Variants in MREG observed in about 807,000 individuals in gnomAD.
MREG encodes melanoregulin, also known as dilute suppressor protein homolog.
MREG carries 31 observed loss-of-function variants against 28.5 expected under a neutral mutation model. The observed-to-expected ratio is 1.09, with a 90% confidence interval of 0.82 to 1.47. The LOEUF (loss-of-function observed/expected upper bound fraction) is 1.47, where lower values mean the gene tolerates loss of function less well. MREG is among the 40% of genes most tolerant of loss of function. The probability of loss-of-function intolerance (pLI) is 0.00; values close to 1 mark genes in which losing one functional copy is unlikely to be tolerated. For synonymous variants in MREG, 106 were observed against 95.2 expected, an observed-to-expected ratio of 1.11 and a Z score of -0.66; for missense variants, 256 against 257.4, an observed-to-expected ratio of 0.99 and a Z score of 0.04.
chr2:215,941,975 T>G (rs535452755), downstream of MREG, among the ~76,000 whole-genome samples: 1 of 152,326 alleles, frequency 6.6e-6, no homozygotes, highest in South Asian at 2.1e-4. Flanking sequence ...GAACTGCCAC[T>G]GAGCTTCTCA....
At position 216,013,456 on chromosome 2, in the gene MREG, C is replaced by G. The variant is rs1264378477; in HGVS notation, c.-129G>C. 1 of 426,060 alleles carries G rather than the reference C, an allele frequency of 2.3e-6. No homozygotes were observed. Among genetic ancestry groups the G allele is most frequent in the Non-Finnish European group, 3.5e-6 (1 of 286,702 alleles). The allele number at this position is 426,060 out of a possible 1,614,324, so 26.4% of individuals were successfully genotyped here. A position where few individuals can be genotyped will look rare whatever the true frequency, so the allele number is the denominator to read the frequency against. On this transcript the variant is annotated 5_prime_UTR_variant, in exon 1 of 5. Transcript: ENST00000263268. ...ACAGCGGCAGCCCGGGCGTCGCGGG[C>G]TGGTCCGCGCGCATCACGCCGCGGC... is the stretch of plus-strand genomic sequence containing the variant.
intron 2 of MREG, among the ~76,000 whole-genome samples, chr2:215,985,050 C>A (rs1559187191): frequency 1.3e-5 from 2 of 152,148 alleles, no homozygotes; most frequent in South Asian, 2.1e-4. Flanking sequence ...CAGCTGTGTG[C>A]CCTTGGATAA....
At chr2:215,945,033 CA>C (rs751626044) in intron 4 of MREG, 36 bp from the exon 5 acceptor site, 2 of 1,537,524 alleles carry the variant, frequency 1.3e-6, no homozygotes, top group South Asian at 2.5e-5. Flanking sequence ...AAACTGCTGG[CA>C]AGATAGGAAC....
At chr2:216,010,085 T>C (rs1694257421) in intron 1 of MREG, among the ~76,000 whole-genome samples, 1 of 152,164 alleles carries the variant, frequency 6.6e-6, no homozygotes, top group Non-Finnish European at 1.5e-5. Context: ...GAAATCATCC[T>C]AGGTTTTAGG....
chr2:215,948,153 A>G (rs925259793), intron 2 of MREG, among the ~76,000 whole-genome samples: 1 of 152,240 alleles, frequency 6.6e-6, no homozygotes, highest in Non-Finnish European at 1.5e-5. Flanking sequence ...TAAGTTCTGT[A>G]CAAGGCTTGC....
At chr2:216,017,953 C>A (rs1259512828), upstream of MREG, among the ~76,000 whole-genome samples, 16 of 150,928 alleles carry the variant, frequency 1.1e-4, no homozygotes. Flanking sequence ...GAGTTTGAGA[C>A]CAGCCTGGCC....
At chr2:215,991,925 G>A (rs1391909303) in intron 2 of MREG, among the ~76,000 whole-genome samples, 1 of 152,032 alleles carries the variant, frequency 6.6e-6, no homozygotes, top group Non-Finnish European at 1.5e-5. Flanking sequence ...ACCAAAAAAA[G>A]CCCAGGACCA....
intron 1 of MREG, among the ~76,000 whole-genome samples, chr2:216,003,879 T>C (rs13424423): frequency 0.32 from 48,179 of 151,888 alleles, 7,775 homozygotes; most frequent in Non-Finnish European, 0.34. Context: ...GAATTTCTAC[T>C]GTTGTCTCTT....
In MREG at chr2:215,944,038, G is replaced by C. The variant is rs1407317402; in HGVS notation, c.*825C>G. ...TCTGTCGCCCAGGCTGGAGTGCAATGGTGCAATCTCGGCTCACTGTAACCT... is the reference window on the plus strand; with the variant it reads ...TCTGTCGCCCAGGCTGGAGTGCAATCGTGCAATCTCGGCTCACTGTAACCT... On this transcript the variant is annotated 3_prime_UTR_variant, in exon 5 of 5. Transcript: ENST00000263268. 1 of 117,920 alleles carries C rather than the reference G, an allele frequency of 8.5e-6. No individual in the cohort carries two copies. The highest frequency in any genetic ancestry group is 1.6e-5 in the Non-Finnish European group (1 of 62,242). 7.3% of individuals were successfully genotyped at this position (117,920 alleles called of 1,614,324 possible). A position where few individuals can be genotyped will look rare whatever the true frequency, so the allele number is the denominator to read the frequency against.
At chr2:215,972,850 T>A (rs1259791095) in intron 2 of MREG, among the ~76,000 whole-genome samples, 1 of 152,216 alleles carries the variant, frequency 6.6e-6, no homozygotes, top group East Asian at 1.9e-4. Context: ...TACAGGTTCC[T>A]CTTCCAAAAT....
intron 2 of MREG, among the ~76,000 whole-genome samples, chr2:215,976,622 C>T (rs1259982439): frequency 1.3e-5 from 2 of 152,194 alleles, no homozygotes; most frequent in Admixed American, 1.3e-4. Flanking sequence ...ATCTGGAGTA[C>T]AGGGAGTGCT....
chr2:216,015,798 TGAAAA>T (rs571083906), upstream of MREG, among the ~76,000 whole-genome samples: 3 of 151,858 alleles, frequency 2.0e-5, no homozygotes, highest in South Asian at 2.1e-4. Flanking sequence ...AAATAGGGTG[TGAAAA>T]GAAAAGAAAA....
chr2:215,951,006 T>C (rs1406236577), intron 2 of MREG, among the ~76,000 whole-genome samples: 3 of 152,072 alleles, frequency 2.0e-5, no homozygotes, highest in South Asian at 2.1e-4. Context: ...TCTCTCTCTC[T>C]CTGTCTCTTT....
intron 1 of MREG, among the ~76,000 whole-genome samples, chr2:216,010,354 C>CTCTTTTTTTT (rs1404098443): frequency 4.2e-5 from 4 of 94,370 alleles, no homozygotes; most frequent in Non-Finnish European, 5.9e-5. Context: ...AAAGATTTCT[C>CTCTTTTTTTT]TTTTTTTTTT....
At chr2:216,002,183 T>C (rs1312787236) in intron 1 of MREG, among the ~76,000 whole-genome samples, 2 of 152,260 alleles carry the variant, frequency 1.3e-5, no homozygotes, top group African/African-American at 4.8e-5. Flanking sequence ...GCTTTTACTC[T>C]CAAAAGGTAG....
chr2:215,978,714 C>T (rs947162734), intron 2 of MREG, among the ~76,000 whole-genome samples: 1 of 152,216 alleles, frequency 6.6e-6, no homozygotes, highest in Non-Finnish European at 1.5e-5. Flanking sequence ...CCCTGGGATG[C>T]AAGCCTGGTT....
chr2:215,957,406 C>G (rs1468495945), intron 2 of MREG, among the ~76,000 whole-genome samples: 1 of 152,136 alleles, frequency 6.6e-6, no homozygotes. Context: ...ACCCTCCAGC[C>G]CCTCCTACTT....
At chr2:215,987,840 T>C (rs1459406662) in intron 2 of MREG, among the ~76,000 whole-genome samples, 1 of 151,858 alleles carries the variant, frequency 6.6e-6, no homozygotes, top group Non-Finnish European at 1.5e-5. Flanking sequence ...GAGACGGAGG[T>C]TGCAGTGAGC....
chr2:215,990,397 C>T (rs1223559545), intron 2 of MREG, among the ~76,000 whole-genome samples: 1 of 152,096 alleles, frequency 6.6e-6, no homozygotes, highest in Non-Finnish European at 1.5e-5. Flanking sequence ...CTGAAGGAAG[C>T]ACTAAATATG....
Sources: allele counts gnomAD v4.1 joint callset (sites outside exome capture counted in the v4.1 genomes callset), GRCh38; gene constraint gnomAD v4.1.1; transcripts MANE v1.5; gene names NCBI Gene and HGNC (gene_info 2026-07-23, HGNC 2026-07-21).